ERBB4: variants seen among roughly 807,000 people sequenced by gnomAD.
ERBB4 encodes erb-b2 receptor tyrosine kinase 4.
A neutral mutation model predicts 158.0 loss-of-function variants in ERBB4; 42 were observed. That is an observed-to-expected ratio of 0.27 (90% CI 0.21 to 0.34). The LOEUF (loss-of-function observed/expected upper bound fraction) is 0.34, where lower values mean the gene tolerates loss of function less well. Ranked by LOEUF, ERBB4 falls within the 10% of genes least tolerant of loss-of-function variation. ERBB4 has a pLI of 1.00. For synonymous variants in ERBB4, 583 were observed against 558.7 expected, an observed-to-expected ratio of 1.04 and a Z score of -0.61; for missense variants, 1,333 against 1,624.1, an observed-to-expected ratio of 0.82 and a Z score of 3.08.
intron 2 of ERBB4, among the ~76,000 whole-genome samples, chr2:212,065,646 G>A (rs1331321571): frequency 6.6e-6 from 1 of 151,984 alleles, no homozygotes; most frequent in Non-Finnish European, 1.5e-5. Flanking sequence ...TATTAGAAAC[G>A]GAGAGGAAGT....
intron 2 of ERBB4, among the ~76,000 whole-genome samples, chr2:212,021,764 C>A (rs1334553660): frequency 2.0e-5 from 3 of 151,914 alleles, no homozygotes; most frequent in Non-Finnish European, 2.9e-5. Flanking sequence ...GCAAAAGGAA[C>A]TATCATCAGA....
intron 1 of ERBB4, among the ~76,000 whole-genome samples, chr2:212,474,636 T>C: frequency 6.6e-6 from 1 of 152,062 alleles, no homozygotes; most frequent in East Asian, 1.9e-4. Context: ...GCTCCTCCTC[T>C]CCGTCTTTTT....
intron 2 of ERBB4, among the ~76,000 whole-genome samples, chr2:211,976,226 C>T (rs2081602586): frequency 6.6e-6 from 1 of 152,048 alleles, no homozygotes; most frequent in African/African-American, 2.4e-5. Flanking sequence ...TAAAGTATAA[C>T]TCTAAACCAG....
chr2:212,276,485 A>G (rs2085541028), intron 1 of ERBB4, among the ~76,000 whole-genome samples: 1 of 151,790 alleles, frequency 6.6e-6, no homozygotes, highest in Admixed American at 6.6e-5. Context: ...TGTAAGACAC[A>G]TGGCTTAGAC....
intron 1 of ERBB4, among the ~76,000 whole-genome samples, chr2:212,446,448 T>C (rs2092349428): frequency 6.7e-6 from 1 of 150,348 alleles, no homozygotes; most frequent in Non-Finnish European, 1.5e-5. Context: ...AGTTGGATGC[T>C]TTCTGCCCTC....
intron 17 of ERBB4, among the ~76,000 whole-genome samples, chr2:211,629,465 T>C (rs1416274588): frequency 6.6e-6 from 1 of 152,136 alleles, no homozygotes; most frequent in Admixed American, 6.5e-5. Context: ...AAAATGGCCA[T>C]CCTGCCCAAG....
chr2:211,674,028 G>T (rs951567608), intron 13 of ERBB4, among the ~76,000 whole-genome samples: 1 of 151,888 alleles, frequency 6.6e-6, no homozygotes. Context: ...TATATTACAT[G>T]TTATCAACTT....
chr2:212,216,040 TTAA>T (rs1366069130), intron 1 of ERBB4, among the ~76,000 whole-genome samples: 1 of 151,372 alleles, frequency 6.6e-6, no homozygotes, highest in Non-Finnish European at 1.5e-5. Context: ...TTCAACTCAG[TTAA>T]TAAAAAAAGA....
intron 1 of ERBB4, among the ~76,000 whole-genome samples, chr2:212,441,613 T>C (rs181621414): frequency 2.6e-5 from 4 of 152,220 alleles, no homozygotes; most frequent in Admixed American, 6.5e-5. Context: ...GGAAGGAACA[T>C]AGAGTTGGAT....
intron 1 of ERBB4, among the ~76,000 whole-genome samples, chr2:212,347,844 T>G (rs2089079689): frequency 6.6e-6 from 1 of 152,096 alleles, no homozygotes; most frequent in African/African-American, 2.4e-5. Context: ...ATGAATAAGT[T>G]TTAGTGGTCT....
At chr2:212,046,635 A>T (rs2077268026) in intron 2 of ERBB4, among the ~76,000 whole-genome samples, 1 of 152,178 alleles carries the variant, frequency 6.6e-6, no homozygotes, top group Non-Finnish European at 1.5e-5. Flanking sequence ...CAGTCCAGTG[A>T]TTCTTATATT....
chr2:212,298,418 T>C (rs570007585), intron 1 of ERBB4, among the ~76,000 whole-genome samples: 11 of 151,880 alleles, frequency 7.2e-5, no homozygotes, highest in Non-Finnish European at 1.3e-4. Flanking sequence ...TCTATGGCTA[T>C]GAAAATTTTT....
intron 12 of ERBB4, among the ~76,000 whole-genome samples, chr2:211,699,245 A>T (rs2073140426): frequency 6.6e-6 from 1 of 152,154 alleles, no homozygotes; most frequent in African/African-American, 2.4e-5. Context: ...TTGTATGTGG[A>T]ACTACATACA....
intron 1 of ERBB4, among the ~76,000 whole-genome samples, chr2:212,472,343 C>T (rs933512375): frequency 1.3e-5 from 2 of 151,770 alleles, no homozygotes; most frequent in African/African-American, 4.8e-5. Flanking sequence ...GAAATAGAGG[C>T]TCAAGAAATG....
intron 2 of ERBB4, among the ~76,000 whole-genome samples, chr2:211,950,809 G>T (rs2080854412): frequency 6.6e-6 from 1 of 152,102 alleles, no homozygotes; most frequent in South Asian, 2.1e-4. Context: ...GATATGCATT[G>T]TTCGTACACA....
At chr2:211,402,730 T>C (rs772717669) in intron 25 of ERBB4, among the ~76,000 whole-genome samples, 2 of 151,852 alleles carry the variant, frequency 1.3e-5, no homozygotes, top group Non-Finnish European at 2.9e-5. Flanking sequence ...TGCAATAAAG[T>C]TTTAAAATGT....
intron 5 of ERBB4, among the ~76,000 whole-genome samples, chr2:211,747,616 G>A (rs944366030): frequency 2.0e-5 from 3 of 152,068 alleles, no homozygotes; most frequent in Non-Finnish European, 2.9e-5. Flanking sequence ...AACAGAAGCA[G>A]ATCTACTAAA....
intron 1 of ERBB4, among the ~76,000 whole-genome samples, chr2:212,408,081 TTTTTA>T (rs537854708): frequency 2.0e-5 from 3 of 152,002 alleles, no homozygotes; most frequent in South Asian, 2.1e-4. Flanking sequence ...TTTTTATTTA[TTTTTA>T]TTTATTTATT....
At chr2:211,742,341 A>G (rs1440978229) in intron 5 of ERBB4, among the ~76,000 whole-genome samples, 1 of 152,242 alleles carries the variant, frequency 6.6e-6, no homozygotes, top group African/African-American at 2.4e-5. Flanking sequence ...TATTATCCAA[A>G]TAATTTGTCA....
Sources: allele counts gnomAD v4.1 joint callset (sites outside exome capture counted in the v4.1 genomes callset), GRCh38; gene constraint gnomAD v4.1.1; transcripts MANE v1.5; gene names NCBI Gene and HGNC (gene_info 2026-07-23, HGNC 2026-07-21).